The following SLC27A1 variants were observed in gnomAD, a reference collection of about 807,000 sequenced individuals.
SLC27A1 encodes the protein long-chain fatty acid transport protein 1.
Under a neutral mutation model 62.2 loss-of-function variants are expected in SLC27A1, and 61 were observed. The observed-to-expected ratio is 0.98, with a 90% CI of 0.80 to 1.21. The LOEUF (loss-of-function observed/expected upper bound fraction) is 1.21, where lower values mean the gene tolerates loss of function less well. SLC27A1 is among the 50% of genes most tolerant of loss of function. The pLI is 0.00. For synonymous variants in SLC27A1, 435 were observed against 408.6 expected, an observed-to-expected ratio of 1.06 and a Z score of -0.78; for missense variants, 903 against 932.1, an observed-to-expected ratio of 0.97 and a Z score of 0.41.
At chr19:17,476,398 C>T (rs7252038) in intron 1 of SLC27A1, among the ~76,000 whole-genome samples, 80,240 of 151,604 alleles carry the variant, frequency 0.53, 21,929 homozygotes, top group African/African-American at 0.63. Flanking sequence ...ATTAGCTGGG[C>T]GTGGTAGCGG....
At chr19:17,476,891 T>G (rs866639697) in intron 1 of SLC27A1, among the ~76,000 whole-genome samples, 5,533 of 148,500 alleles carry the variant, frequency 0.037, 359 homozygotes, top group African/African-American at 0.13. Flanking sequence ...CTGTTTTTTT[T>G]TTTTTTTTTT....
chr19:17,486,494 G>A lies in SLC27A1; in HGVS notation c.168-69G>A. The A allele has an allele frequency of 2.0e-6, 3 of 1,484,066 alleles. No individual in the cohort carries two copies. The highest frequency in any genetic ancestry group is 2.6e-5 in the South Asian group (2 of 77,014). The allele number at this position is 1,484,066 out of a possible 1,614,324, so 91.9% of individuals were successfully genotyped here. On this transcript the variant is annotated intron_variant, in intron 1 of 11. Transcript: ENST00000252595. This position sits in a 1 kb window ranked among gnomAD's most constrained non-coding sequence, Gnocchi z 6.6. ...CTGCCCTGGGGTCCTCCAGCGGGGA[G>A]GCTGAGGCTCCCAGAGGCCAGGCGG...
upstream of SLC27A1, among the ~76,000 whole-genome samples, chr19:17,470,002 C>T (rs113263526): frequency 2.6e-5 from 4 of 151,592 alleles, no homozygotes; most frequent in African/African-American, 9.7e-5. Context: ...GGGCTAGAAG[C>T]ATAACCTAAG....
intron 1 of SLC27A1, chr19:17,483,762 C>T (rs984405104): frequency 1.3e-5 from 2 of 152,718 alleles, no homozygotes; most frequent in South Asian, 2.1e-4. Context: ...TAATTCCCCC[C>T]ACACTGACCT....
chr19:17,494,679 C>T (rs2075330018), intron 6 of SLC27A1, among the ~76,000 whole-genome samples: 1 of 152,018 alleles, frequency 6.6e-6, no homozygotes, highest in Non-Finnish European at 1.5e-5. Flanking sequence ...CTGCAAGCTT[C>T]CAGCTTCCTT....
intron 1 of SLC27A1, among the ~76,000 whole-genome samples, chr19:17,474,313 G>A (rs1339834356): frequency 6.6e-6 from 1 of 152,228 alleles, no homozygotes; most frequent in Admixed American, 6.5e-5. Flanking sequence ...AAAGGAGACT[G>A]TGTCAGTCTT....
chr19:17,494,351 G>A lies in SLC27A1; in HGVS notation c.997-2904G>A, dbSNP rs376340413. On this transcript the variant is annotated intron_variant, in intron 6 of 11. Coordinates refer to ENST00000252595, the MANE Select transcript of SLC27A1 (RefSeq NM_198580.3). Reference sequence around the variant, plus strand: ...TTCTTTTTCTTTTTCTTTTTGAGACGGAGTCTCACTCTGTTGCCCAGGCCA... The same window carrying A: ...TTCTTTTTCTTTTTCTTTTTGAGACAGAGTCTCACTCTGTTGCCCAGGCCA... Among the ~76,000 whole-genome samples the A allele has an allele frequency of 2.7e-5, 4 of 149,074 alleles. No individual in the cohort carries two copies. In the South Asian group the frequency reaches 6.3e-4, roughly 24 times the overall value.
chr19:17,476,365 G>A (rs1599640296), intron 1 of SLC27A1, among the ~76,000 whole-genome samples: 1 of 152,082 alleles, frequency 6.6e-6, no homozygotes, highest in South Asian at 2.1e-4. Context: ...GCGAAACCCT[G>A]TCTCTACTAA....
chr19:17,480,460 T>A (rs1352420628), intron 1 of SLC27A1, among the ~76,000 whole-genome samples: 1 of 151,088 alleles, frequency 6.6e-6, no homozygotes, highest in Admixed American at 6.6e-5. Context: ...AACCCTGACC[T>A]CCTAGGCCCA....
rs183556488 is a variant in SLC27A1, at chr19:17,474,500, G to A, written c.167+3793G>A. Among the ~76,000 whole-genome samples, 14 of 152,238 alleles carry A rather than the reference G, an allele frequency of 9.2e-5. No homozygotes were observed. In the East Asian group the frequency reaches 1.5e-3, roughly 17 times the overall value. On this transcript the variant is annotated intron_variant, in intron 1 of 11. Transcript: ENST00000252595. ...TGTCCATGCCTGGTTCTAAGTTCCT[G>A]ACATGGCTTGACATACTTGCCTGTG...
intron 10 of SLC27A1, 89 bp downstream of exon 10, chr19:17,500,965 A>G: frequency 7.2e-7 from 1 of 1,393,448 alleles, no homozygotes; most frequent in Non-Finnish European, 9.5e-7. Context: ...GCCTTTGGGC[A>G]GTGCACAACC....
chr19:17,477,942 G>A (rs1215988729), intron 1 of SLC27A1, among the ~76,000 whole-genome samples: 1 of 152,010 alleles, frequency 6.6e-6, no homozygotes, highest in Non-Finnish European at 1.5e-5. Flanking sequence ...TCGAACTCCT[G>A]GCCTCAAATA....
rs1203640117 is a variant in SLC27A1 at position 17,486,916 on chromosome 19, C to T, written c.521C>T (p.Ser174Leu). 4 of 1,591,812 alleles carry T rather than the reference C, an allele frequency of 2.5e-6. No homozygotes were observed. Among genetic ancestry groups the T allele is most frequent in the South Asian group, 2.2e-5 (2 of 89,946 alleles). ...CCCCTGGCCTTCTGCCTGGGCACCT[C>T]GGGCGCTAAGGCCCTGATCTTTGGA... ...REPLAFCLGT[S>L]GAKALIFGGE... Residue 174 changes from serine (S) to leucine (L), a missense_variant, in exon 2 of 12, where the codon TCG becomes TTG. By Grantham distance (145) the Ser-to-Leu change is moderately radical. Coordinates refer to ENST00000252595, the MANE Select transcript of SLC27A1 (RefSeq NM_198580.3). This position sits in a 1 kb window ranked among gnomAD's most constrained non-coding sequence, Gnocchi z 6.6.
At chr19:17,495,200 T>C (rs1437006161) in intron 6 of SLC27A1, among the ~76,000 whole-genome samples, 1 of 151,680 alleles carries the variant, frequency 6.6e-6, no homozygotes, top group Non-Finnish European at 1.5e-5. Context: ...GTCTCGAACT[T>C]CTGACCTGAA....
At chr19:17,480,403 C>T (rs2075164553) in intron 1 of SLC27A1, among the ~76,000 whole-genome samples, 1 of 151,464 alleles carries the variant, frequency 6.6e-6, no homozygotes, top group Non-Finnish European at 1.5e-5. Context: ...AGAAGTTTTA[C>T]TCTGTCACCC....
In SLC27A1 at chr19:17,486,860, C is replaced by T. The variant is rs1196438636; in HGVS notation, c.465C>T (p.Ala155=). 4 of 1,585,502 alleles carry T rather than the reference C, an allele frequency of 2.5e-6. No individual in the cohort carries two copies. Among genetic ancestry groups the T allele is most frequent in the South Asian group, 1.1e-5 (1 of 89,064 alleles). ...WLGLAKAGME[A]ALLNVNLRRE... ...GCCTGGCCAAGGCGGGCATGGAGGC[C>T]GCGCTGCTCAACGTGAACCTGCGGC... is the stretch of plus-strand genomic sequence containing the variant. The change falls in exon 2 of 12, where the codon GCC becomes GCT. Residue 155 remains alanine (A), a synonymous_variant. Transcript: ENST00000252595. The surrounding 1 kb of genome is among the most constrained non-coding windows in gnomAD (Gnocchi z 6.6).
At chr19:17,475,007 C>T (rs1568409533) in intron 1 of SLC27A1, among the ~76,000 whole-genome samples, 1 of 151,782 alleles carries the variant, frequency 6.6e-6, no homozygotes, top group Non-Finnish European at 1.5e-5. Context: ...CTCCAGCTCC[C>T]AGGTTCAAGC....
intron 1 of SLC27A1, among the ~76,000 whole-genome samples, chr19:17,473,875 A>G (rs907858529): frequency 2.0e-5 from 3 of 152,192 alleles, no homozygotes; most frequent in Non-Finnish European, 1.5e-5. Flanking sequence ...AAAACAAAAC[A>G]AAACAAAACA....
Position 17,504,644 on chromosome 19 carries a change from C to A in SLC27A1, c.*32C>A. On this transcript the variant is annotated 3_prime_UTR_variant, in exon 12 of 12. Coordinates refer to ENST00000252595, the MANE Select transcript of SLC27A1 (RefSeq NM_198580.3). ...TCCTCTACTGGCCACAAACTCTGGG[C>A]CTGGTGGGAGAGGCCAGCTTGAGCC... is the stretch of plus-strand genomic sequence containing the variant. The A allele has an allele frequency of 6.2e-7, 1 of 1,613,248 alleles. No homozygotes were observed. The highest frequency in any genetic ancestry group is 8.5e-7 in the Non-Finnish European group (1 of 1,179,736).
Sources: gnomAD v4.1 joint callset for allele counts (sites outside exome capture counted in the v4.1 genomes callset) on GRCh38, gnomAD v4.1.1 for gene constraint, Gnocchi (gnomAD v3.1) non-coding constraint, MANE v1.5 for transcripts, NCBI Gene and HGNC (gene_info 2026-07-23, HGNC 2026-07-21) for gene names.